The following PPFIA2 variants were observed in gnomAD, a reference collection of about 807,000 sequenced individuals.
PPFIA2 encodes the protein PPFI scaffold protein A2, also known as liprin-alpha-2.
Under a neutral mutation model 175.5 loss-of-function variants are expected in PPFIA2, and 46 were observed. The ratio of observed to expected loss-of-function variants is 0.26; its 90% CI spans 0.21 to 0.34. The LOEUF is 0.34. PPFIA2 is among the 10% of genes least tolerant of loss of function. PPFIA2 has a pLI of 1.00. For missense variants in PPFIA2, 1,179 were observed against 1,506.1 expected (o/e 0.78, Z 3.60); for synonymous variants, 568 against 511.4 (o/e 1.11, Z -1.49).
At chr12:81,456,013 T>C (rs1204395894) in intron 5 of PPFIA2, among the ~76,000 whole-genome samples, 1 of 152,200 alleles carries the variant, frequency 6.6e-6, no homozygotes, top group Non-Finnish European at 1.5e-5. Flanking sequence ...TGGTGCATTT[T>C]AAATGTGAGC....
Position 81,641,823 on chromosome 12 carries a change from T to C in PPFIA2, c.303+34968A>G, listed in dbSNP as rs183711892. Among the ~76,000 whole-genome samples, 211 of 152,296 alleles carry C rather than the reference T, an allele frequency of 1.4e-3. 3 individuals carry two copies. The highest frequency in any genetic ancestry group is 0.013 in the Admixed American group (206 of 15,290). On this transcript the variant is annotated intron_variant, in intron 4 of 32. Coordinates refer to ENST00000549396, the MANE Select transcript of PPFIA2 (RefSeq NM_003625.5). ...TTACTATTTTAAAACACTAAGTGTCTAAGGAGAACTAAGTGTCAGGGTGTC... is the reference window on the plus strand; with the variant it reads ...TTACTATTTTAAAACACTAAGTGTCCAAGGAGAACTAAGTGTCAGGGTGTC...
intron 4 of PPFIA2, among the ~76,000 whole-genome samples, chr12:81,624,622 A>G (rs1004261356): frequency 2.0e-5 from 3 of 146,538 alleles, no homozygotes; most frequent in African/African-American, 7.4e-5. Flanking sequence ...ATAATTATAT[A>G]TATAATATAT....
chr12:81,541,130 T>A (rs1181105849), intron 4 of PPFIA2, among the ~76,000 whole-genome samples: 1 of 152,160 alleles, frequency 6.6e-6, no homozygotes, highest in Non-Finnish European at 1.5e-5. Flanking sequence ...TTTTAAAATT[T>A]ATCAGTGTTG....
chr12:81,579,865 T>G (rs981007694), intron 4 of PPFIA2, among the ~76,000 whole-genome samples: 1 of 151,788 alleles, frequency 6.6e-6, no homozygotes, highest in African/African-American at 2.4e-5. Flanking sequence ...TTAAAAATGC[T>G]AATTCATTTT....
intron 24 of PPFIA2, among the ~76,000 whole-genome samples, chr12:81,289,609 A>G (rs1226358301): frequency 6.6e-6 from 1 of 151,864 alleles, no homozygotes; most frequent in Non-Finnish European, 1.5e-5. Flanking sequence ...AGGATTCCTC[A>G]TTCAAATGGC....
At chr12:81,608,439 G>A (rs192502136) in intron 4 of PPFIA2, among the ~76,000 whole-genome samples, 3 of 151,952 alleles carry the variant, frequency 2.0e-5, no homozygotes, top group Non-Finnish European at 4.4e-5. Flanking sequence ...TTTTTTGATT[G>A]GTAGGTTTCT....
chr12:81,595,258 T>A (rs998345455), intron 4 of PPFIA2, among the ~76,000 whole-genome samples: 1 of 146,696 alleles, frequency 6.8e-6, no homozygotes, highest in East Asian at 2.0e-4. Flanking sequence ...ATATATACTT[T>A]AAACAAACAT....
chr12:81,337,074 T>A (rs952800955), intron 21 of PPFIA2, among the ~76,000 whole-genome samples: 1 of 152,142 alleles, frequency 6.6e-6, no homozygotes, highest in African/African-American at 2.4e-5. Flanking sequence ...ATGTATCATT[T>A]CCTTTGGTGC....
chr12:81,502,801 T>A (rs190603125), intron 4 of PPFIA2, among the ~76,000 whole-genome samples: 70 of 152,254 alleles, frequency 4.6e-4, no homozygotes, highest in Non-Finnish European at 1.5e-5. Flanking sequence ...TTTCCTTTTA[T>A]CCTCACTCAA....
chr12:81,408,294 T>C (rs561178181), intron 7 of PPFIA2, among the ~76,000 whole-genome samples: 2 of 152,188 alleles, frequency 1.3e-5, no homozygotes, highest in Non-Finnish European at 2.9e-5. Flanking sequence ...TTATGAATTA[T>C]AAATTTTAAA....
chr12:81,353,884 C>T (rs1302698980), intron 16 of PPFIA2, among the ~76,000 whole-genome samples: 1 of 152,108 alleles, frequency 6.6e-6, no homozygotes, highest in Non-Finnish European at 1.5e-5. Flanking sequence ...AGTTCCAGCC[C>T]ACCCTGATAA....
chr12:81,458,769 A>G (rs985598632), intron 4 of PPFIA2, among the ~76,000 whole-genome samples: 8 of 152,170 alleles, frequency 5.3e-5, no homozygotes, highest in African/African-American at 1.9e-4. Context: ...ATTCTACCTT[A>G]TAAACAAATA....
chr12:81,348,758 G>A (rs528062575), intron 17 of PPFIA2, among the ~76,000 whole-genome samples: 109 of 152,128 alleles, frequency 7.2e-4, no homozygotes, highest in African/African-American at 2.4e-3. Context: ...TATTACAAAG[G>A]CACAAATAGG....
intron 19 of PPFIA2, 68 bp downstream of exon 19, chr12:81,344,595 AT>A: frequency 8.7e-7 from 1 of 1,146,662 alleles, no homozygotes; most frequent in Non-Finnish European, 1.2e-6. Flanking sequence ...TAGAGGGAAT[AT>A]TATTTTAAAG....
chr12:81,560,145 A>ATACTTT (rs2069722062), intron 4 of PPFIA2, among the ~76,000 whole-genome samples: 1 of 152,138 alleles, frequency 6.6e-6, no homozygotes, highest in Admixed American at 6.5e-5. Flanking sequence ...TAAGGTCCAA[A>ATACTTT]TGGTACAGAT....
intron 4 of PPFIA2, among the ~76,000 whole-genome samples, chr12:81,673,920 T>C (rs1175400416): frequency 6.6e-6 from 1 of 152,058 alleles, no homozygotes; most frequent in East Asian, 1.9e-4. Context: ...ATAAAATCTA[T>C]TGAATTTTCA....
intron 11 of PPFIA2, among the ~76,000 whole-genome samples, chr12:81,369,657 C>T (rs912072801): frequency 1.3e-5 from 2 of 151,790 alleles, no homozygotes; most frequent in African/African-American, 2.4e-5. Context: ...TGTAGTTTAG[C>T]TTCCATAACA....
intron 11 of PPFIA2, among the ~76,000 whole-genome samples, chr12:81,369,892 G>T (rs2034617894): frequency 6.6e-6 from 1 of 151,562 alleles, no homozygotes; most frequent in South Asian, 2.1e-4. Context: ...TGCAGTTGAT[G>T]GTTTTAAATA....
intron 2 of PPFIA2, among the ~76,000 whole-genome samples, chr12:81,757,058 A>G (rs1238450757): frequency 2.0e-5 from 3 of 152,188 alleles, no homozygotes; most frequent in Non-Finnish European, 2.9e-5. Flanking sequence ...ATTAGAATTC[A>G]GATTCTAACA....
Sources: allele counts gnomAD v4.1 joint callset (sites outside exome capture counted in the v4.1 genomes callset), GRCh38; gene constraint gnomAD v4.1.1; transcripts MANE v1.5; gene names NCBI Gene and HGNC (gene_info 2026-07-23, HGNC 2026-07-21).